Variants in GPN3 observed in about 807,000 individuals in gnomAD.
GPN3 encodes GPN-loop GTPase 3, also known as ATP-binding domain 1 family member C.
In GPN3, 31 loss-of-function variants were observed where a neutral mutation model predicts 38.7. The observed-to-expected ratio is 0.80, with a 90% CI of 0.60 to 1.08. GPN3 has a LOEUF of 1.08. GPN3 is among the 50% of genes least tolerant of loss of function. GPN3 has a pLI of 0.00. For synonymous variants in GPN3, 116 were observed against 120.2 expected (o/e 0.96, Z 0.23); for missense variants, 301 against 354.4 (o/e 0.85, Z 1.21).
rs367768675 is a variant in GPN3, at chr12:110,459,814, A to C, written c.206T>G (p.Leu69Arg). 1 of 1,613,980 alleles carries C rather than the reference A, an allele frequency of 6.2e-7. No individual in the cohort carries two copies. The highest frequency in any genetic ancestry group is 1.1e-5 in the South Asian group (1 of 91,084). The part of the protein sequence containing the change: ...EVDDVMEDDS[L>R]RFGPNGGLVF... ...CAATCCTCCGTTGGGACCGAATCGC[A>C]GAGAATCATCCTCCATTACATCATC... Residue 69 changes from leucine (L) to arginine (R), a missense_variant, in exon 3 of 8, where the codon CTG becomes CGG. Physicochemically the swap from Leu to Arg is moderately radical, Grantham distance 102. Coordinates refer to ENST00000228827, the MANE Select transcript of GPN3 (RefSeq NM_016301.4).
At chr12:110,456,111 C>G (rs2062547793) in intron 4 of GPN3, among the ~76,000 whole-genome samples, 181 bp from the exon 5 acceptor site, 1 of 152,144 alleles carries the variant, frequency 6.6e-6, no homozygotes, top group South Asian at 2.1e-4. Context: ...GGGCAGATCA[C>G]CTCAGGTCAG....
At chr12:110,453,157 T>C (rs2135511355) in intron 7 of GPN3, 61 bp from the exon 8 acceptor site, 1 of 812,418 alleles carries the variant, frequency 1.2e-6, no homozygotes, top group Non-Finnish European at 2.1e-6. Context: ...AGAACTAGTA[T>C]GTGTTTATAT....
chr12:110,454,122 C>A (rs528636666), intron 6 of GPN3, among the ~76,000 whole-genome samples: 1 of 152,220 alleles, frequency 6.6e-6, no homozygotes, highest in Non-Finnish European at 1.5e-5. Flanking sequence ...TATCTGAATT[C>A]AACAACCACT....
In GPN3 at chr12:110,455,942, A is replaced by C; in HGVS notation, c.451-12T>G. 1.6e-5 allele frequency: 22 copies of C among 1,361,600 alleles called. No homozygotes were observed. The highest frequency in any genetic ancestry group is 2.3e-5 in the Non-Finnish European group (22 of 950,188). 84.3% of individuals were successfully genotyped at this position (1,361,600 alleles called of 1,614,324 possible). ...ATGCCAGAAATAAACTGAAGGAGGA[A>C]ACAGAAAAGGGAAGATGAACTGACT... is the stretch of plus-strand genomic sequence containing the variant. On this transcript the variant is annotated splice_polypyrimidine_tract_variant and intron_variant, in intron 4 of 7. Coordinates refer to ENST00000228827, the MANE Select transcript of GPN3 (RefSeq NM_016301.4).
intron 2 of GPN3, among the ~76,000 whole-genome samples, chr12:110,462,866 C>T (rs1020177432): frequency 2.0e-5 from 3 of 152,216 alleles, no homozygotes; most frequent in Non-Finnish European, 4.4e-5. Context: ...ACGCCATTCT[C>T]CTGCCTCAGC....
intron 7 of GPN3, 76 bp downstream of exon 7, chr12:110,453,667 G>A: frequency 6.9e-6 from 8 of 1,161,772 alleles, no homozygotes; most frequent in Non-Finnish European, 1.0e-5. Flanking sequence ...GGAGTCGCCT[G>A]GATTATGCAA....
chr12:110,468,244 G>T lies in GPN3; in HGVS notation c.-41C>A, dbSNP rs1291442229. The T allele has an allele frequency of 1.2e-6, 2 of 1,605,722 alleles. No homozygotes were observed. Among genetic ancestry groups the T allele is most frequent in the East Asian group, 2.2e-5 (1 of 44,866 alleles). ...CGCCCGCCACACTCCCTTAGCCTTC[G>T]CGCGACGCCCACTGAGCTCCGGGAA... On this transcript the variant is annotated 5_prime_UTR_variant, in exon 1 of 8. Transcript: ENST00000228827.
chr12:110,462,421 C>T (rs1355046504), intron 2 of GPN3, among the ~76,000 whole-genome samples: 1 of 152,048 alleles, frequency 6.6e-6, no homozygotes, highest in Non-Finnish European at 1.5e-5. Context: ...AAGACCTCAC[C>T]CTTGATTCCT....
intron 2 of GPN3, among the ~76,000 whole-genome samples, chr12:110,460,606 C>T (rs899214686): frequency 6.6e-6 from 1 of 151,906 alleles, no homozygotes; most frequent in Non-Finnish European, 1.5e-5. Context: ...ATGAGGCAGG[C>T]GGATCACTTG....
rs541330089 is a variant in GPN3 at position 110,467,522 on chromosome 12, C to T, written c.48+634G>A. ...CTATTAAAAGCTCTGAGACTAAGAA[C>T]TGCTCTCTGAAAAGACCTGGGGATT... On this transcript the variant is annotated intron_variant, in intron 1 of 7. Coordinates refer to ENST00000228827, the MANE Select transcript of GPN3 (RefSeq NM_016301.4). Among the ~76,000 whole-genome samples, 13 of 152,310 alleles carry T rather than the reference C, an allele frequency of 8.5e-5. No individual in the cohort carries two copies. The South Asian group carries it at 2.7e-3, about 32-fold the overall frequency.
At chr12:110,468,666 C>A, upstream of GPN3, 1 of 1,536,622 alleles carries the variant, frequency 6.5e-7, no homozygotes, top group Non-Finnish European at 8.7e-7. Flanking sequence ...CGCACTGCTT[C>A]CACAGAGAGG....
rs1386115813 is a variant in GPN3, at chr12:110,461,077, C to T, written c.158-1215G>A. The T allele has an allele frequency of 1.4e-5, 21 of 1,533,454 alleles. No individual in the cohort carries two copies. In the East Asian group the frequency reaches 4.3e-4, roughly 31 times the overall value. The allele number at this position is 1,533,454 out of a possible 1,614,324, so 95.0% of individuals were successfully genotyped here. On this transcript the variant is annotated intron_variant, in intron 2 of 7. Transcript: ENST00000228827. ...CCCGAGAATACACCATCAACATTCA[C>T]AAGCACATCTATGGAGTGGGCTTCA... is the stretch of plus-strand genomic sequence containing the variant.
intron 3 of GPN3, 138 bp downstream of exon 3, chr12:110,459,557 T>C: frequency 1.4e-6 from 1 of 689,986 alleles, no homozygotes; most frequent in South Asian, 1.8e-5. Context: ...ATATACTTAG[T>C]AAGTGACAGC....
At position 110,453,861 on chromosome 12, in the gene GPN3, T is replaced by C. The variant is rs1405950328; in HGVS notation, c.674A>G (p.Tyr225Cys). 9 of 1,606,016 alleles carry C rather than the reference T, an allele frequency of 5.6e-6. No individual in the cohort carries two copies. Among genetic ancestry groups the C allele is most frequent in the Non-Finnish European group, 6.8e-6 (8 of 1,174,062 alleles). The change falls in exon 7 of 8, where the codon TAC becomes TGC. Residue 225 changes from tyrosine (Y) to cysteine (C), a missense_variant. Coordinates refer to ENST00000228827, the MANE Select transcript of GPN3 (RefSeq NM_016301.4). ...GTAAGGTAAAAATCGAACCATGCTG[T>C]AGTCATCAATCTACAAGTTGTGGAT... ...TKAICGLIDD[Y>C]SMVRFLPYDQ...
In GPN3 at chr12:110,464,973, A is replaced by T; in HGVS notation, c.157+133T>A. 10 of 670,028 alleles carry T rather than the reference A, an allele frequency of 1.5e-5. No homozygotes were observed. In the South Asian group the frequency reaches 1.7e-4, roughly 11 times the overall value. The allele number at this position is 670,028 out of a possible 1,614,324, so 41.5% of individuals were successfully genotyped here. Reference sequence around the variant, plus strand: ...CACCATGAACAGATGTGACCAAATGACAAGCTCATGCTATTTACCATAACA... The same window carrying T: ...CACCATGAACAGATGTGACCAAATGTCAAGCTCATGCTATTTACCATAACA... On this transcript the variant is annotated intron_variant, in intron 2 of 7. Coordinates refer to ENST00000228827, the MANE Select transcript of GPN3 (RefSeq NM_016301.4).
chr12:110,463,477 A>C (rs888593580), intron 2 of GPN3, among the ~76,000 whole-genome samples: 1 of 150,876 alleles, frequency 6.6e-6, no homozygotes, highest in Non-Finnish European at 1.5e-5. Flanking sequence ...ACAACAACAA[A>C]AACAAAAAAA....
At chr12:110,467,841 G>T (rs761162262) in intron 1 of GPN3, among the ~76,000 whole-genome samples, 6 of 152,162 alleles carry the variant, frequency 3.9e-5, no homozygotes, top group East Asian at 1.9e-4. Context: ...GCGGGGCAAA[G>T]AACTTAATTA....
chr12:110,460,873 A>G, intron 2 of GPN3: 1 of 644,176 alleles, frequency 1.6e-6, no homozygotes, highest in Admixed American at 2.5e-5. Flanking sequence ...CTGAGGCAGG[A>G]GAATCACTTG....
rs537225205 is a variant in GPN3 at position 110,452,713 on chromosome 12, A to T, written c.*321T>A. On this transcript the variant is annotated 3_prime_UTR_variant, in exon 8 of 8. Transcript: ENST00000228827. ...TTACAGTAATTCCTGCATCTCAAAA[A>T]TAATACAAAAAGTGAAAATAAGTTT... 1 of 241,948 alleles carries T rather than the reference A, an allele frequency of 4.1e-6. No individual in the cohort carries two copies. Among genetic ancestry groups the T allele is most frequent in the African/African-American group, 2.3e-5 (1 of 43,102 alleles). The allele number at this position is 241,948 out of a possible 1,614,324, so 15.0% of individuals were successfully genotyped here.
Sources: gnomAD v4.1 joint callset for allele counts (sites outside exome capture counted in the v4.1 genomes callset) on GRCh38, gnomAD v4.1.1 for gene constraint, MANE v1.5 for transcripts, NCBI Gene and HGNC (gene_info 2026-07-23, HGNC 2026-07-21) for gene names.